The following MAF variants were observed in gnomAD, a reference collection of about 807,000 sequenced individuals.
MAF encodes the protein MAF bZIP transcription factor, also known as transcription factor Maf.
In MAF, 10 loss-of-function variants were observed where a neutral mutation model predicts 22.0. The observed-to-expected ratio is 0.45, with a 90% CI of 0.28 to 0.77. The LOEUF (loss-of-function observed/expected upper bound fraction) is 0.77, where lower values mean the gene tolerates loss of function less well. Ranked by LOEUF, MAF falls within the 30% of genes least tolerant of loss-of-function variation. The pLI, the probability that MAF is intolerant of heterozygous loss-of-function variation, is 0.12. For missense variants in MAF, 544 were observed against 548.4 expected (o/e 0.99, Z 0.08); for synonymous variants, 337 against 255.8 (o/e 1.32, Z -3.03).
At chr16:79,482,815 G>C in the MAF span, among the ~76,000 whole-genome samples, 1 of 147,352 alleles carries the variant, frequency 6.8e-6, no homozygotes, top group Non-Finnish European at 1.5e-5. Flanking sequence ...GCCAGACTCA[G>C]TAGGGCATAC....
chr16:79,279,050 G>T, the MAF span, among the ~76,000 whole-genome samples: 1 of 152,144 alleles, frequency 6.6e-6, no homozygotes, highest in East Asian at 1.9e-4. Context: ...TAAAGATTCT[G>T]AATATATTTT....
At chr16:79,273,486 G>A in the MAF span, among the ~76,000 whole-genome samples, 1 of 152,194 alleles carries the variant, frequency 6.6e-6, no homozygotes, top group South Asian at 2.1e-4. Context: ...GAAGTCAGAT[G>A]CACAAATAGG....
the MAF span, among the ~76,000 whole-genome samples, chr16:79,478,137 G>A: frequency 6.6e-6 from 1 of 152,180 alleles, no homozygotes; most frequent in Non-Finnish European, 1.5e-5. Flanking sequence ...ACTGAGTAGT[G>A]AAACTCAAAT....
chr16:79,468,791 A>G, the MAF span, among the ~76,000 whole-genome samples: 4 of 152,196 alleles, frequency 2.6e-5, no homozygotes, highest in African/African-American at 9.6e-5. Context: ...CAGAGAAGCC[A>G]GAGAAGCTCC....
chr16:79,589,826 G>C (rs1913082076), downstream of MAF, among the ~76,000 whole-genome samples: 1 of 152,202 alleles, frequency 6.6e-6, no homozygotes, highest in South Asian at 2.1e-4. Flanking sequence ...GCGGGGCCCT[G>C]GGGCGCGCTG....
chr16:79,223,412 A>G, the MAF span, among the ~76,000 whole-genome samples: 1 of 152,232 alleles, frequency 6.6e-6, no homozygotes, highest in African/African-American at 2.4e-5. Flanking sequence ...AGAAAGCAGG[A>G]AAGATCTAAA....
At chr16:79,407,693 C>T in the MAF span, among the ~76,000 whole-genome samples, 16 of 151,938 alleles carry the variant, frequency 1.1e-4, no homozygotes, top group South Asian at 2.7e-3. Flanking sequence ...GATTTTTTTT[C>T]TCTACTTCCA....
At chr16:79,587,111 G>C (rs372452682) in intron 1 of MAF, among the ~76,000 whole-genome samples, 1 of 152,082 alleles carries the variant, frequency 6.6e-6, no homozygotes, top group Admixed American at 6.5e-5. Flanking sequence ...TATCTAAATG[G>C]TAAGACTATG....
At chr16:79,364,900 G>T in the MAF span, among the ~76,000 whole-genome samples, 1 of 152,300 alleles carries the variant, frequency 6.6e-6, no homozygotes, top group South Asian at 2.1e-4. Context: ...ATTTTACTGA[G>T]TTTATTTGAG....
the MAF span, among the ~76,000 whole-genome samples, chr16:79,355,580 C>T: frequency 6.6e-5 from 10 of 152,294 alleles, no homozygotes; most frequent in East Asian, 3.9e-4. Flanking sequence ...CCATGGAGAA[C>T]GTCCTATCTC....
chr16:79,412,638 G>A, the MAF span, among the ~76,000 whole-genome samples: 6 of 152,172 alleles, frequency 3.9e-5, no homozygotes, highest in Admixed American at 2.0e-4. Context: ...GAGGAGCACT[G>A]CTTCAAGCTA....
At chr16:79,364,418 C>T in the MAF span, among the ~76,000 whole-genome samples, 51,886 of 151,954 alleles carry the variant, frequency 0.34, 9,180 homozygotes, top group Admixed American at 0.46. Flanking sequence ...AGGAGACACA[C>T]AGAAGATGCT....
chr16:79,428,034 G>C, the MAF span, among the ~76,000 whole-genome samples: 215 of 148,336 alleles, frequency 1.4e-3, 2 homozygotes, highest in African/African-American at 5.1e-3. Context: ...GGAGCTTGCA[G>C]TGAGCCGAGA....
At chr16:79,287,840 T>C in the MAF span, among the ~76,000 whole-genome samples, 1 of 152,144 alleles carries the variant, frequency 6.6e-6, no homozygotes. Flanking sequence ...TGGGAGAACC[T>C]CCTATGGGTT....
chr16:79,557,677 G>T, the MAF span, among the ~76,000 whole-genome samples: 1 of 152,056 alleles, frequency 6.6e-6, no homozygotes, highest in South Asian at 2.1e-4. Context: ...ACCTAAACAT[G>T]ATTAACCTCC....
the MAF span, among the ~76,000 whole-genome samples, chr16:79,393,370 C>T: frequency 0.051 from 7,697 of 152,218 alleles, 457 homozygotes; most frequent in African/African-American, 0.14. Context: ...GCCAGCATTC[C>T]TGAGTGACAG....
At chr16:79,325,811 C>T in the MAF span, among the ~76,000 whole-genome samples, 2 of 152,138 alleles carry the variant, frequency 1.3e-5, no homozygotes, top group African/African-American at 4.8e-5. Context: ...CCAGAAAGAG[C>T]AGAACAAACA....
At chr16:79,492,219 G>A in the MAF span, among the ~76,000 whole-genome samples, 1 of 152,172 alleles carries the variant, frequency 6.6e-6, no homozygotes, top group Non-Finnish European at 1.5e-5. Flanking sequence ...GAAGAATGCA[G>A]GCAGGGAGGC....
At chr16:79,207,504 G>C in the MAF span, among the ~76,000 whole-genome samples, 1 of 152,180 alleles carries the variant, frequency 6.6e-6, no homozygotes, top group Non-Finnish European at 1.5e-5. Context: ...TTTTGCATAA[G>C]TGGATTAATT....
Sources: allele counts gnomAD v4.1 joint callset (sites outside exome capture counted in the v4.1 genomes callset), GRCh38; gene constraint gnomAD v4.1.1; transcripts MANE v1.5; gene names NCBI Gene and HGNC (gene_info 2026-07-23, HGNC 2026-07-21).